Variants in TUT4 observed in about 807,000 individuals in gnomAD.
TUT4 encodes the protein terminal uridylyl transferase 4.
A neutral mutation model predicts 192.2 loss-of-function variants in TUT4; 36 were observed. That is an observed-to-expected ratio of 0.19 (90% CI 0.14 to 0.25). TUT4 has a LOEUF of 0.25. TUT4 is among the 10% of genes least tolerant of loss of function. The probability of loss-of-function intolerance (pLI) is 1.00; values close to 1 mark genes in which losing one functional copy is unlikely to be tolerated. For missense variants in TUT4, 1,493 were observed against 1,957.2 expected, an observed-to-expected ratio of 0.76 and a Z score of 4.47; for synonymous variants, 618 against 666.0, an observed-to-expected ratio of 0.93 and a Z score of 1.11.
chr1:52,502,172 G>A (rs868122203), intron 4 of TUT4, among the ~76,000 whole-genome samples: 16 of 149,566 alleles, frequency 1.1e-4, no homozygotes, highest in South Asian at 2.1e-4. Flanking sequence ...TCAATGCGCC[G>A]GTAAGACAAT....
chr1:52,516,431 C>A (rs181895387), intron 2 of TUT4, among the ~76,000 whole-genome samples: 1 of 152,228 alleles, frequency 6.6e-6, no homozygotes, highest in East Asian at 1.9e-4. Context: ...AGATTAGTCA[C>A]TGAACTAAAT....
chr1:52,497,313 T>A, intron 4 of TUT4, 130 bp from the exon 5 acceptor site: 1 of 925,830 alleles, frequency 1.1e-6, no homozygotes. Context: ...ACCAGATACC[T>A]ACAATACGGA....
Position 52,472,045 on chromosome 1 carries a change from G to A in TUT4, c.2785C>T (p.Pro929Ser). The change falls in exon 14 of 30, where the codon CCA becomes TCA. Residue 929 changes from proline to serine, a missense_variant. By Grantham distance (74) the Pro-to-Ser change is moderately conservative. Around this residue, in one of 7 missense-constraint regions of TUT4, gnomAD observed 59 missense variants for 114.3 expected, o/e 0.52. Coordinates refer to ENST00000257177, the MANE Select transcript of TUT4 (RefSeq NM_001009881.3). ...KKDGHSKNDC[P>S]EDFRKIDLKP... Reference sequence around the variant, plus strand: ...AAATCAATTTTCCTAAAATCCTCTGGGCAATCATTCTTTGAATGGCCATCC... The same window carrying A: ...AAATCAATTTTCCTAAAATCCTCTGAGCAATCATTCTTTGAATGGCCATCC... The A allele has an allele frequency of 1.2e-6, 2 of 1,613,636 alleles. No homozygotes were observed. The highest frequency in any genetic ancestry group is 1.7e-6 in the Non-Finnish European group (2 of 1,179,844).
intron 4 of TUT4, among the ~76,000 whole-genome samples, chr1:52,498,302 C>T (rs947439904): frequency 7.1e-6 from 1 of 141,126 alleles, no homozygotes; most frequent in South Asian, 2.2e-4. Flanking sequence ...AGTGCAGTGG[C>T]GCGATCTCAG....
At chr1:52,439,685 G>A (rs1428722042) in intron 24 of TUT4, among the ~76,000 whole-genome samples, 1 of 152,200 alleles carries the variant, frequency 6.6e-6, no homozygotes, top group Non-Finnish European at 1.5e-5. Context: ...TGGTGGGAAT[G>A]TAAAGTAGCA....
Position 52,430,974 on chromosome 1 carries a change from A to C in TUT4, c.4711+39T>G, listed in dbSNP as rs765184637. The C allele has an allele frequency of 4.6e-6, 7 of 1,520,422 alleles. No homozygotes were observed. The Admixed American group carries it at 8.6e-5, about 19-fold the overall frequency. 94.2% of individuals were successfully genotyped at this position (1,520,422 alleles called of 1,614,324 possible). On this transcript the variant is annotated intron_variant, in intron 28 of 29. Coordinates refer to ENST00000257177, the MANE Select transcript of TUT4 (RefSeq NM_001009881.3). ...TTCTACAGACAGATACAAAAGAAGA[A>C]AAGACATGCAGATAAAAAAGAAGAA...
intron 11 of TUT4, among the ~76,000 whole-genome samples, chr1:52,479,638 C>T (rs1667975807): frequency 6.6e-6 from 1 of 152,062 alleles, no homozygotes; most frequent in Admixed American, 6.6e-5. Context: ...GATGAAAAAA[C>T]TAAGTGTGGA....
intron 1 of TUT4, among the ~76,000 whole-genome samples, chr1:52,531,151 A>G (rs563600332): frequency 1.3e-5 from 2 of 152,354 alleles, no homozygotes; most frequent in East Asian, 3.9e-4. Context: ...CATTTTTAGA[A>G]TGTGGTAAAT....
chr1:52,545,966 CAAAAAAAAAA>C lies in TUT4; in HGVS notation c.-94+6955_-94+6964del, dbSNP rs71041901. ...GTGAAACTGCATCTCTACAAAAATACAAAAAAAAAAAAAAAAAAAAAAATTGGCCAGGTGT... is the reference window on the plus strand; with the variant it reads ...GTGAAACTGCATCTCTACAAAAATACAAAAAAAAAAAAATTGGCCAGGTGT... On this transcript the variant is annotated intron_variant, in intron 1 of 29. Coordinates refer to ENST00000257177, the MANE Select transcript of TUT4 (RefSeq NM_001009881.3). Among the ~76,000 whole-genome samples the C allele has an allele frequency of 7.9e-4, 57 of 72,372 alleles. 1 individual carries two copies. Among genetic ancestry groups the C allele is most frequent in the African/African-American group, 1.9e-3 (46 of 24,200 alleles). The allele number at this position is 72,372 out of a possible 152,430, so 47.5% of individuals were successfully genotyped here.
At chr1:52,502,423 T>C (rs1158022705) in intron 4 of TUT4, among the ~76,000 whole-genome samples, 2 of 152,122 alleles carry the variant, frequency 1.3e-5, no homozygotes, top group Non-Finnish European at 2.9e-5. Context: ...AAAAGTCAAA[T>C]ATTCAGCGAA....
intron 1 of TUT4, among the ~76,000 whole-genome samples, chr1:52,526,767 G>A (rs192100752): frequency 8.7e-4 from 133 of 152,328 alleles, no homozygotes; most frequent in African/African-American, 3.1e-3. Context: ...GCTCATGCCT[G>A]TAATCCCAGC....
chr1:52,484,585 T>C (rs569806161), intron 9 of TUT4, among the ~76,000 whole-genome samples: 4 of 152,340 alleles, frequency 2.6e-5, no homozygotes, highest in Non-Finnish European at 4.4e-5. Context: ...TAAATTTTCA[T>C]TTAAGTAAAA....
At chr1:52,533,838 C>A (rs983353496) in intron 1 of TUT4, among the ~76,000 whole-genome samples, 4 of 152,072 alleles carry the variant, frequency 2.6e-5, no homozygotes, top group Admixed American at 2.0e-4. Context: ...TGGTAGCACA[C>A]ACCTGTAATC....
Position 52,423,847 on chromosome 1 carries a change from C to G in TUT4, c.*88G>C, listed in dbSNP as rs1320780811. 4 of 1,566,050 alleles carry G rather than the reference C, an allele frequency of 2.6e-6. No individual in the cohort carries two copies. Among genetic ancestry groups the G allele is most frequent in the Non-Finnish European group, 3.5e-6 (4 of 1,155,598 alleles). On this transcript the variant is annotated 3_prime_UTR_variant, in exon 30 of 30. Transcript: ENST00000257177. ...ATGTCACTTTTTCTGCTGAATGTAA[C>G]TGACATTGAGGTACGGATACCCTTG...
At chr1:52,464,854 GT>G (rs1663671407) in intron 16 of TUT4, 1 of 400,778 alleles carries the variant, frequency 2.5e-6, no homozygotes, top group East Asian at 4.0e-5. Flanking sequence ...CAGTGACATG[GT>G]TTTTGTATCA....
chr1:52,456,143 C>T (rs1267091092), intron 20 of TUT4, among the ~76,000 whole-genome samples: 1 of 152,024 alleles, frequency 6.6e-6, no homozygotes, highest in African/African-American at 2.4e-5. Flanking sequence ...GTGGCTCATG[C>T]CTGTAATCCC....
rs74741788 is a variant in TUT4 at position 52,475,345 on chromosome 1, C to T, written c.2214G>A (p.Ser738=). 6.4e-4 allele frequency: 1,025 copies of T among 1,614,024 alleles called. 8 individuals are homozygous for T. The African/African-American group carries it at 0.012, about 19-fold the overall frequency. ...TACAACCATTGGTTGCCATATTGTT[C>T]GACTTGACTGGTTTCTTATTGCTTA... The part of the protein sequence containing the change: ...GKISNKKPVK[S]NNMATNGCIL... Residue 738 remains serine, a synonymous_variant, in exon 13 of 30, where the codon TCG becomes TCA. Coordinates refer to ENST00000257177, the MANE Select transcript of TUT4 (RefSeq NM_001009881.3).
At chr1:52,538,947 A>C (rs1467633966) in intron 1 of TUT4, among the ~76,000 whole-genome samples, 1 of 152,164 alleles carries the variant, frequency 6.6e-6, no homozygotes, top group Non-Finnish European at 1.5e-5. Context: ...CTCCCACCTC[A>C]GCCTCCCAAA....
At chr1:52,496,929 A>C in intron 5 of TUT4, 77 bp downstream of exon 5, 1 of 1,348,224 alleles carries the variant, frequency 7.4e-7, no homozygotes, top group Non-Finnish European at 1.0e-6. Context: ...AAAAACATTA[A>C]GAAATGTACT....
Sources: gnomAD v4.1 joint callset for allele counts (sites outside exome capture counted in the v4.1 genomes callset) on GRCh38, gnomAD v4.1.1 for gene constraint, gnomAD v4.1.1 regional missense constraint, MANE v1.5 for transcripts, NCBI Gene and HGNC (gene_info 2026-07-23, HGNC 2026-07-21) for gene names.